The following MMGT1 variants were observed in gnomAD, a reference collection of about 807,000 sequenced individuals.
The protein encoded by MMGT1 is ER membrane protein complex subunit 5.
A neutral mutation model predicts 11.7 loss-of-function variants in MMGT1; 2 were observed. The observed-to-expected ratio is 0.17, with a 90% CI of 0.07 to 0.54. The LOEUF (loss-of-function observed/expected upper bound fraction) is 0.54, where lower values mean the gene tolerates loss of function less well. Among genes scored for constraint, MMGT1 ranks in the 20% least tolerant of loss-of-function variants. The pLI is 0.94. For synonymous variants in MMGT1, 49 were observed against 44.4 expected, an observed-to-expected ratio of 1.10 and a Z score of -0.41; for missense variants, 74 against 109.0, an observed-to-expected ratio of 0.68 and a Z score of 1.43.
At chrX:135,970,459 A>G (rs1380672206) in intron 2 of MMGT1, among the ~76,000 whole-genome samples, 1 of 112,571 alleles carries the variant, frequency 8.9e-6, no homozygotes, top group Non-Finnish European at 1.9e-5. Flanking sequence ...CCTTACATAA[A>G]AATGAACTTT....
Position 135,963,151 on chromosome X carries a change from T to C in MMGT1, c.*1873A>G, listed in dbSNP as rs41312779. ...GGATGGGGTGGGCACTGGGAGAAAA[T>C]GAGAGGTGACTGCTCAAGGGTACAG... is the stretch of plus-strand genomic sequence containing the variant. On this transcript the variant is annotated 3_prime_UTR_variant, in exon 4 of 4. Transcript: ENST00000305963. 1 of 110,912 alleles carries C rather than the reference T, an allele frequency of 9.0e-6. No individual in the cohort carries two copies. The highest frequency in any genetic ancestry group is 1.9e-5 in the Non-Finnish European group (1 of 52,928). 9.1% of individuals were successfully genotyped at this position (110,912 alleles called of 1,213,427 possible).
Position 135,973,973 on chromosome X carries a change from A to G in MMGT1, c.-298T>C. On this transcript the variant is annotated 5_prime_UTR_variant, in exon 1 of 4. Coordinates refer to ENST00000305963, the MANE Select transcript of MMGT1 (RefSeq NM_173470.3). ...AAACGAAGAGGCGAAAGCGGGAGCT[A>G]CGGGGAAGCGAAGAGGAAGGGCGCC... 1 of 1,036,651 alleles carries G rather than the reference A, an allele frequency of 9.6e-7. No individual in the cohort carries two copies. The highest frequency in any genetic ancestry group is 4.3e-5 in the East Asian group (1 of 23,105). 85.4% of individuals were successfully genotyped at this position (1,036,651 alleles called of 1,213,427 possible).
rs1556612831 is a variant in MMGT1 at position 135,973,635 on chromosome X, A to G, written c.41T>C (p.Leu14Pro). ...SLWKGLVGIG[L>P]FALAHAAFSA... ...AAAGGCGGCGTGGGCTAGGGCAAAG[A>G]GACCGATGCCCACCAGCCCCTTCCA... The change falls in exon 1 of 4, where the codon CTC (leucine) becomes CCC (proline). Residue 14 changes from leucine (L) to proline (P), a missense_variant. By Grantham distance (98) the Leu-to-Pro change is moderately conservative. Coordinates refer to ENST00000305963, the MANE Select transcript of MMGT1 (RefSeq NM_173470.3). The G allele has an allele frequency of 8.6e-7, 1 of 1,167,123 alleles. No homozygotes were observed. The highest frequency in any genetic ancestry group is 1.1e-6 in the Non-Finnish European group (1 of 872,810).
At chrX:135,968,190 T>G (rs955989273) in intron 2 of MMGT1, among the ~76,000 whole-genome samples, 1 of 111,672 alleles carries the variant, frequency 9.0e-6, no homozygotes, top group Non-Finnish European at 1.9e-5. Flanking sequence ...AGAAAGCATA[T>G]GTACACAGCA....
In MMGT1 at chrX:135,973,975, G is replaced by T. The variant is rs1427676652; in HGVS notation, c.-300C>A. The T allele has an allele frequency of 9.6e-7, 1 of 1,039,381 alleles. No homozygotes were observed. Among genetic ancestry groups the T allele is most frequent in the Non-Finnish European group, 1.3e-6 (1 of 787,671 alleles). 85.7% of individuals were successfully genotyped at this position (1,039,381 alleles called of 1,213,427 possible). Reference sequence around the variant, plus strand: ...ACGAAGAGGCGAAAGCGGGAGCTACGGGGAAGCGAAGAGGAAGGGCGCCGG... The same window carrying T: ...ACGAAGAGGCGAAAGCGGGAGCTACTGGGAAGCGAAGAGGAAGGGCGCCGG... On this transcript the variant is annotated 5_prime_UTR_variant, in exon 1 of 4. Transcript: ENST00000305963.
rs2089161014 is a variant in MMGT1 at position 135,962,457 on chromosome X, A to G, written c.*2567T>C. On this transcript the variant is annotated 3_prime_UTR_variant, in exon 4 of 4. Coordinates refer to ENST00000305963, the MANE Select transcript of MMGT1 (RefSeq NM_173470.3). The stretch of plus-strand genomic sequence containing the variant: ...TCAAGCAAAGGCTTAACTAGCTCAC[A>G]TCATATTTTTGAACTACCCTAGGCA... The G allele has an allele frequency of 8.9e-6, 1 of 112,018 alleles. No individual in the cohort carries two copies. The highest frequency in any genetic ancestry group is 1.9e-5 in the Non-Finnish European group (1 of 53,236). 9.2% of individuals were successfully genotyped at this position (112,018 alleles called of 1,213,427 possible).
chrX:135,967,141 T>C (rs781887308), intron 3 of MMGT1, among the ~76,000 whole-genome samples: 9 of 111,974 alleles, frequency 8.0e-5, no homozygotes, highest in Non-Finnish European at 1.3e-4. Flanking sequence ...TTTTCATCCA[T>C]ACAACCAACC....
chrX:135,970,706 G>A (rs1018713112), intron 2 of MMGT1, among the ~76,000 whole-genome samples: 2 of 111,991 alleles, frequency 1.8e-5, no homozygotes, highest in South Asian at 3.7e-4. Context: ...TCAGGAGATC[G>A]AGACCATCGT....
chrX:135,965,065 T>C lies in MMGT1; in HGVS notation c.355A>G (p.Thr119Ala). Residue 119 changes from threonine (T) to alanine (A), a missense_variant, in exon 4 of 4, where the codon ACA (threonine) becomes GCA (alanine). By Grantham distance (58) the Thr-to-Ala change is moderately conservative (BLOSUM62 0). Coordinates refer to ENST00000305963, the MANE Select transcript of MMGT1 (RefSeq NM_173470.3). ...TCGAGTTTTCGTAACTTCAATGATG[T>C]GTTAGAGGACAATGCATCTTGGTTT... ...SSNQDALSSN[T>A]SLKLRKLESL... 8.3e-7 allele frequency: 1 copy of C among 1,209,678 alleles called. No individual in the cohort carries two copies. Among genetic ancestry groups the C allele is most frequent in the East Asian group, 3.0e-5 (1 of 33,822 alleles).
At chrX:135,966,503 G>A (rs1556611967) in intron 3 of MMGT1, among the ~76,000 whole-genome samples, 1 of 112,062 alleles carries the variant, frequency 8.9e-6, no homozygotes, top group East Asian at 2.8e-4. Context: ...GCTGAGGCAG[G>A]AGAATCACTT....
chrX:135,966,008 T>C (rs191387997), intron 3 of MMGT1, among the ~76,000 whole-genome samples: 2 of 111,820 alleles, frequency 1.8e-5, no homozygotes, highest in East Asian at 5.6e-4. Flanking sequence ...TTAATGACAT[T>C]GTTTTACTTC....
chrX:135,973,851 G>A lies in MMGT1; in HGVS notation c.-176C>T, dbSNP rs1556612929. On this transcript the variant is annotated 5_prime_UTR_variant, in exon 1 of 4. Coordinates refer to ENST00000305963, the MANE Select transcript of MMGT1 (RefSeq NM_173470.3). ...TGAGAAAACGGAAACAGGAATGCCGGGAAGAAGCAGAAAGCTACACGGAAA... is the reference window on the plus strand; with the variant it reads ...TGAGAAAACGGAAACAGGAATGCCGAGAAGAAGCAGAAAGCTACACGGAAA... 1 of 1,160,952 alleles carries A rather than the reference G, an allele frequency of 8.6e-7. No individual in the cohort carries two copies. The highest frequency in any genetic ancestry group is 2.6e-5 in the Admixed American group (1 of 38,290).
At chrX:135,972,938 A>G (rs2089228005) in intron 1 of MMGT1, among the ~76,000 whole-genome samples, 1 of 111,639 alleles carries the variant, frequency 9.0e-6, no homozygotes. Context: ...TATTGTAACT[A>G]CTTCTTGATC....
At position 135,963,195 on chromosome X, in the gene MMGT1, C is replaced by T. The variant is rs1281389693; in HGVS notation, c.*1829G>A. 1.2e-4 allele frequency: 13 copies of T among 111,109 alleles called. No homozygotes were observed. The highest frequency in any genetic ancestry group is 3.9e-4 in the African/African-American group (12 of 30,565). The allele number at this position is 111,109 out of a possible 1,213,427, so 9.2% of individuals were successfully genotyped here. A position where few individuals can be genotyped will look rare whatever the true frequency, so the allele number is the denominator to read the frequency against. The stretch of plus-strand genomic sequence containing the variant: ...GGTACAGGGTTTCTTTTTGGGGTAA[C>T]GAAATGTTCTAAAATTGACTGTGGT... On this transcript the variant is annotated 3_prime_UTR_variant, in exon 4 of 4. Transcript: ENST00000305963.
chrX:135,973,527 C>G (rs1235327285), intron 1 of MMGT1, 70 bp downstream of exon 1: 8 of 914,645 alleles, frequency 8.7e-6, no homozygotes, highest in Non-Finnish European at 1.2e-5. Flanking sequence ...CCGATGGTCC[C>G]TTAGAAGTGC....
chrX:135,969,210 CATCA>C (rs1369984118), intron 2 of MMGT1, among the ~76,000 whole-genome samples: 2 of 110,306 alleles, frequency 1.8e-5, no homozygotes, highest in Non-Finnish European at 3.8e-5. Flanking sequence ...TTAACAGCCT[CATCA>C]ATCATATATT....
intron 2 of MMGT1, among the ~76,000 whole-genome samples, chrX:135,967,720 C>T (rs1237746850): frequency 9.0e-6 from 1 of 111,605 alleles, no homozygotes; most frequent in African/African-American, 3.3e-5. Flanking sequence ...ATCTAGTGTT[C>T]AAATAAGCAA....
At position 135,973,782 on chromosome X, in the gene MMGT1, T is replaced by A. The variant is rs1556612894; in HGVS notation, c.-107A>T. The A allele has an allele frequency of 1.7e-6, 2 of 1,162,262 alleles. No homozygotes were observed. Among genetic ancestry groups the A allele is most frequent in the Admixed American group, 2.6e-5 (1 of 38,225 alleles). The stretch of plus-strand genomic sequence containing the variant: ...CCGCAGAAAGATGACGTCACTGAAG[T>A]CCTGAGCGCAAAGTGTCTCAGTGGT... On this transcript the variant is annotated 5_prime_UTR_variant, in exon 1 of 4. Transcript: ENST00000305963.
rs1490868030 is a variant in MMGT1, at chrX:135,960,948, CAA to C, written c.*4074_*4075del. The stretch of plus-strand genomic sequence containing the variant: ...TATTCACTTTCACATGATCAGACTT[CAA>C]AAGTTTAGTACCCAGTATTGGCATG... On this transcript the variant is annotated 3_prime_UTR_variant, in exon 4 of 4. Coordinates refer to ENST00000305963, the MANE Select transcript of MMGT1 (RefSeq NM_173470.3). Among the ~76,000 whole-genome samples, 2 of 112,026 alleles carry C rather than the reference CAA, an allele frequency of 1.8e-5. No homozygotes were observed. The highest frequency in any genetic ancestry group is 3.8e-5 in the Non-Finnish European group (2 of 53,122).
Sources: gnomAD v4.1 joint callset for allele counts (sites outside exome capture counted in the v4.1 genomes callset) on GRCh38, gnomAD v4.1.1 for gene constraint, MANE v1.5 for transcripts, NCBI Gene and HGNC (gene_info 2026-07-23, HGNC 2026-07-21) for gene names.